EHMT1: variants seen among roughly 807,000 people sequenced by gnomAD.
EHMT1 encodes histone-lysine N-methyltransferase EHMT1.
In EHMT1, 15 loss-of-function variants were observed where a neutral mutation model predicts 147.2. That is an observed-to-expected ratio of 0.10 (90% CI 0.07 to 0.16). The LOEUF is 0.16. Among genes scored for constraint, EHMT1 ranks in the 10% least tolerant of loss-of-function variants. The pLI, the probability that EHMT1 is intolerant of heterozygous loss-of-function variation, is 1.00. For synonymous variants in EHMT1, 795 were observed against 709.6 expected (o/e 1.12, Z -1.91); for missense variants, 1,587 against 1,772.4 (o/e 0.90, Z 1.88).
At chr9:137,815,877 A>G in intron 22 of EHMT1, 70 bp from the exon 23 acceptor site, 1 of 1,320,768 alleles carries the variant, frequency 7.6e-7, no homozygotes, top group South Asian at 1.3e-5. Flanking sequence ...CTTAGTAGAA[A>G]TGGGTTGATG....
At chr9:137,781,011 T>C (rs62589692) in intron 14 of EHMT1, among the ~76,000 whole-genome samples, 2,672 of 31,710 alleles carry the variant, frequency 0.084, 6 homozygotes, top group African/African-American at 0.26. Flanking sequence ...GACGCCGGGA[T>C]GTGTGGTGAT....
intron 6 of EHMT1, among the ~76,000 whole-genome samples, chr9:137,750,184 C>T (rs576184585): frequency 5.9e-5 from 9 of 152,262 alleles, no homozygotes; most frequent in African/African-American, 1.7e-4. Context: ...TGTATAGCTG[C>T]AATAACCAAT....
chr9:137,769,921 C>T (rs1428172523), intron 10 of EHMT1, among the ~76,000 whole-genome samples: 1 of 152,172 alleles, frequency 6.6e-6, no homozygotes, highest in Non-Finnish European at 1.5e-5. Flanking sequence ...AGTGCAGCCT[C>T]AACCTCCTGG....
At chr9:137,723,565 C>A (rs1355373569) in intron 3 of EHMT1, among the ~76,000 whole-genome samples, 1 of 148,972 alleles carries the variant, frequency 6.7e-6, no homozygotes, top group African/African-American at 2.5e-5. Flanking sequence ...GTGTCCGTGT[C>A]TGTGGTTCTG....
At chr9:137,754,112 T>A in intron 7 of EHMT1, 59 bp from the exon 8 acceptor site, 1 of 1,612,836 alleles carries the variant, frequency 6.2e-7, no homozygotes, top group Non-Finnish European at 8.5e-7. Flanking sequence ...TGTAGTGCTC[T>A]TGCCTTCCGT....
chr9:137,638,053 CT>C (rs1463849399), intron 1 of EHMT1: 1 of 150,054 alleles, frequency 6.7e-6, no homozygotes, highest in African/African-American at 2.5e-5. Context: ...TCATTTTTCT[CT>C]TTTTCTTGGT....
intron 18 of EHMT1, among the ~76,000 whole-genome samples, chr9:137,805,849 G>C (rs1322115398): frequency 1.3e-5 from 2 of 151,502 alleles, no homozygotes; most frequent in African/African-American, 2.4e-5. Context: ...TTTTAGTAGA[G>C]ACGGGGTTTC....
intron 1 of EHMT1, among the ~76,000 whole-genome samples, chr9:137,660,894 A>G (rs922767615): frequency 3.3e-5 from 5 of 152,186 alleles, no homozygotes; most frequent in African/African-American, 1.2e-4. Flanking sequence ...ACTACTGAGT[A>G]TTTAACCTTT....
In EHMT1 at chr9:137,776,178, C is replaced by G. The variant is rs1382458671; in HGVS notation, c.1792-440C>G. ...CTGTTCTTACGGCTGTGTGCCCCTC[C>G]TCGAGGCTCACCTGGGTCGCCAAAC... On this transcript the variant is annotated intron_variant, in intron 11 of 26. Transcript: ENST00000460843. The surrounding 1 kb of genome is among the most constrained non-coding windows in gnomAD (Gnocchi z 4.4). Among the ~76,000 whole-genome samples the G allele has an allele frequency of 6.6e-6, 1 of 152,208 alleles. No individual in the cohort carries two copies. The highest frequency in any genetic ancestry group is 6.5e-5 in the Admixed American group (1 of 15,278).
Position 137,776,972 on chromosome 9 carries a change from G to A in EHMT1, c.2018+128G>A. The A allele has an allele frequency of 1.2e-6, 1 of 858,426 alleles. No homozygotes were observed. Among genetic ancestry groups the A allele is most frequent in the Non-Finnish European group, 1.8e-6 (1 of 549,270 alleles). The allele number at this position is 858,426 out of a possible 1,614,324, so 53.2% of individuals were successfully genotyped here. A position where few individuals can be genotyped will look rare whatever the true frequency, so the allele number is the denominator to read the frequency against. Reference sequence around the variant, plus strand: ...CTGAGCTGATGCTGATGCTTATGGTGATTTCTGACATTTAAGACTCTGAAA... The same window carrying A: ...CTGAGCTGATGCTGATGCTTATGGTAATTTCTGACATTTAAGACTCTGAAA... On this transcript the variant is annotated intron_variant, in intron 12 of 26. Coordinates refer to ENST00000460843, the MANE Select transcript of EHMT1 (RefSeq NM_024757.5). This position sits in a 1 kb window ranked among gnomAD's most constrained non-coding sequence, Gnocchi z 4.4.
intron 1 of EHMT1, among the ~76,000 whole-genome samples, chr9:137,633,498 C>T (rs988798124): frequency 1.3e-5 from 2 of 152,126 alleles, no homozygotes; most frequent in Non-Finnish European, 2.9e-5. Context: ...AATGTCTTCA[C>T]ACCGATAGCT....
intron 4 of EHMT1, among the ~76,000 whole-genome samples, chr9:137,729,587 A>ACTT (rs1265244969): frequency 8.9e-6 from 1 of 111,902 alleles, no homozygotes; most frequent in Non-Finnish European, 1.6e-5. Context: ...ACTCCATCTC[A>ACTT]AAAAAAAAAA....
At chr9:137,763,039 G>A in intron 10 of EHMT1, 3 of 640,238 alleles carry the variant, frequency 4.7e-6, no homozygotes. Context: ...GGACTGTGTA[G>A]ACAAAGTCTT....
chr9:137,684,139 G>A (rs1409653958), intron 1 of EHMT1, among the ~76,000 whole-genome samples: 2 of 151,932 alleles, frequency 1.3e-5, no homozygotes, highest in Non-Finnish European at 2.9e-5. Flanking sequence ...GGGCTCAGGT[G>A]ATTCTCCCAC....
intron 16 of EHMT1, among the ~76,000 whole-genome samples, chr9:137,791,229 T>A (rs927113455): frequency 2.0e-5 from 3 of 152,164 alleles, no homozygotes; most frequent in Admixed American, 2.0e-4. Flanking sequence ...GTGTTCGCCT[T>A]ACAGTACATC....
At chr9:137,717,626 A>AAAAG (rs1554847272) in intron 3 of EHMT1, among the ~76,000 whole-genome samples, 2 of 140,254 alleles carry the variant, frequency 1.4e-5, no homozygotes, top group Admixed American at 7.6e-5. Context: ...AAAAAAAAAA[A>AAAAG]GAGATGCTGC....
chr9:137,671,581 G>T (rs1215222340), intron 1 of EHMT1, among the ~76,000 whole-genome samples: 1 of 144,018 alleles, frequency 6.9e-6, no homozygotes, highest in East Asian at 2.0e-4. Context: ...CTGGGGTGCA[G>T]TTGTGTGACC....
intron 1 of EHMT1, among the ~76,000 whole-genome samples, chr9:137,649,899 C>T (rs193205431): frequency 6.6e-6 from 1 of 152,280 alleles, no homozygotes; most frequent in Admixed American, 6.5e-5. Context: ...GTTAAGGTAA[C>T]TGCAGGAGAT....
intron 1 of EHMT1, among the ~76,000 whole-genome samples, chr9:137,645,581 A>C (rs1844824918): frequency 6.6e-6 from 1 of 152,228 alleles, no homozygotes; most frequent in Non-Finnish European, 1.5e-5. Context: ...TGATAGAAGC[A>C]GCGAAGAGGG....
Sources: allele counts gnomAD v4.1 joint callset (sites outside exome capture counted in the v4.1 genomes callset), GRCh38; gene constraint gnomAD v4.1.1; non-coding constraint Gnocchi (gnomAD v3.1); transcripts MANE v1.5; gene names NCBI Gene and HGNC (gene_info 2026-07-23, HGNC 2026-07-21).